The following CAP1 variants were observed in gnomAD, a reference collection of about 807,000 sequenced individuals.
CAP1 encodes cyclase associated actin cytoskeleton regulatory protein 1, also known as adenylyl cyclase-associated protein 1.
In CAP1, 11 loss-of-function variants were observed where a neutral mutation model predicts 58.2. The observed-to-expected ratio is 0.19, with a 90% CI of 0.12 to 0.31. The LOEUF (loss-of-function observed/expected upper bound fraction) is 0.31, where lower values mean the gene tolerates loss of function less well. Among genes scored for constraint, CAP1 ranks in the 10% least tolerant of loss-of-function variants. The pLI, the probability that CAP1 is intolerant of heterozygous loss-of-function variation, is 1.00. For synonymous variants in CAP1, 183 were observed against 213.8 expected (o/e 0.86, Z 1.26); for missense variants, 423 against 587.5 (o/e 0.72, Z 2.89).
chr1:40,046,538 T>C lies in CAP1; in HGVS notation c.-11+5737T>C, dbSNP rs578253143. Among the ~76,000 whole-genome samples the C allele has an allele frequency of 5.9e-5, 9 of 152,302 alleles. No homozygotes were observed. In the East Asian group the frequency reaches 1.7e-3, roughly 29 times the overall value. On this transcript the variant is annotated intron_variant, in intron 1 of 12. Coordinates refer to ENST00000372805, the MANE Select transcript of CAP1 (RefSeq NM_006367.4). ...TAGTTTATGGAGTTATTCACATTTA[T>C]TTTAGTTGATAAAATTATACAGTCA... is the stretch of plus-strand genomic sequence containing the variant.
At chr1:40,061,628 T>A in intron 3 of CAP1, 107 bp from the exon 4 acceptor site, 1 of 860,564 alleles carries the variant, frequency 1.2e-6, no homozygotes, top group Non-Finnish European at 2.0e-6. Flanking sequence ...TAACATGAAG[T>A]GCCTGGGTTG....
chr1:40,047,741 C>G (rs1437206642), intron 1 of CAP1, among the ~76,000 whole-genome samples: 1 of 152,122 alleles, frequency 6.6e-6, no homozygotes, highest in Non-Finnish European at 1.5e-5. Flanking sequence ...AGAAGAGAAC[C>G]CATGACCACA....
intron 1 of CAP1, among the ~76,000 whole-genome samples, chr1:40,059,045 A>G (rs1351220898): frequency 1.7e-5 from 2 of 120,844 alleles, no homozygotes; most frequent in African/African-American, 3.3e-5. Context: ...ACACAGTATC[A>G]TAGTAAATAT....
chr1:40,061,639 C>A, intron 3 of CAP1, 96 bp from the exon 4 acceptor site: 2 of 961,982 alleles, frequency 2.1e-6, no homozygotes, highest in Non-Finnish European at 3.4e-6. Flanking sequence ...GCCTGGGTTG[C>A]TATCAGAGTA....
At chr1:40,052,438 C>G (rs16826814) in intron 1 of CAP1, among the ~76,000 whole-genome samples, 21,567 of 152,062 alleles carry the variant, frequency 0.14, 1,817 homozygotes, top group African/African-American at 0.24. Context: ...TCCGGACATT[C>G]ATTTATGGAG....
chr1:40,044,573 A>C (rs910237797), intron 1 of CAP1, among the ~76,000 whole-genome samples: 2 of 152,170 alleles, frequency 1.3e-5, no homozygotes, highest in African/African-American at 4.8e-5. Context: ...TCATATTTAC[A>C]AAGAATAAAT....
chr1:40,070,749 A>T, intron 11 of CAP1, 87 bp from the exon 12 acceptor site: 1 of 1,208,244 alleles, frequency 8.3e-7, no homozygotes, highest in Non-Finnish European at 1.2e-6. Context: ...GTAGTTGCTG[A>T]GTCACGTGAA....
chr1:40,059,034 C>CGG (rs1233224764), intron 1 of CAP1, among the ~76,000 whole-genome samples: 2 of 120,524 alleles, frequency 1.7e-5, no homozygotes, highest in African/African-American at 6.6e-5. Context: ...TAACTTTCTA[C>CGG]ACACAGTATC....
chr1:40,071,068 T>G, intron 12 of CAP1, 89 bp downstream of exon 12: 3 of 1,270,980 alleles, frequency 2.4e-6, no homozygotes, highest in Non-Finnish European at 3.3e-6. Context: ...ATGAACATTC[T>G]GCACTGAGCA....
chr1:40,043,068 G>A (rs1645913863), intron 1 of CAP1, among the ~76,000 whole-genome samples: 1 of 152,188 alleles, frequency 6.6e-6, no homozygotes, highest in African/African-American at 2.4e-5. Context: ...GTCAGCTAAA[G>A]GAAAGAGCAA....
At chr1:40,066,675 A>G (rs1311327420) in intron 7 of CAP1, among the ~76,000 whole-genome samples, 5 of 152,232 alleles carry the variant, frequency 3.3e-5, no homozygotes, top group Non-Finnish European at 7.3e-5. Context: ...TATAATAAAG[A>G]TACAGACTAG....
intron 4 of CAP1, among the ~76,000 whole-genome samples, chr1:40,063,095 G>A (rs1469754316): frequency 1.3e-5 from 2 of 152,062 alleles, no homozygotes; most frequent in Non-Finnish European, 2.9e-5. Flanking sequence ...CCTCCCAGGT[G>A]TAATGATCCT....
At chr1:40,048,622 A>C (rs945280124) in intron 1 of CAP1, among the ~76,000 whole-genome samples, 2 of 152,186 alleles carry the variant, frequency 1.3e-5, no homozygotes, top group Non-Finnish European at 2.9e-5. Context: ...AAACAGGTAG[A>C]AATTGTCAAA....
At position 40,069,796 on chromosome 1, in the gene CAP1, C is replaced by T. The variant is rs759869293; in HGVS notation, c.915C>T (p.Pro305=). ...SGPKPFSAPK[P]QTSPSPKRAT... ...CCAAACCATTCTCTGCACCTAAACC[C>T]CAAACCAGCCCATCCCCCAAACGAG... Residue 305 remains proline, a synonymous_variant, in exon 9 of 13, where the codon CCC becomes CCT. Coordinates refer to ENST00000372805, the MANE Select transcript of CAP1 (RefSeq NM_006367.4). 125 of 1,606,668 alleles carry T rather than the reference C, an allele frequency of 7.8e-5. No individual in the cohort carries two copies. The highest frequency in any genetic ancestry group is 1.0e-4 in the Non-Finnish European group (118 of 1,176,688).
rs375503528 is a variant in CAP1, at chr1:40,070,161, A to G, written c.996A>G (p.Glu332=). The G allele has an allele frequency of 1.9e-6, 3 of 1,614,006 alleles. No homozygotes were observed. The East Asian group carries it at 6.7e-5, about 36-fold the overall frequency. Residue 332 remains glutamate (E), a splice_region_variant and synonymous_variant, in exon 10 of 13, where the codon GAA becomes GAG. Coordinates refer to ENST00000372805, the MANE Select transcript of CAP1 (RefSeq NM_006367.4). ...LELEGKKWRV[E]NQENVSNLVI... ...ATCCTGGGATCTCTCTCTAACAGGA[A>G]AATCAGGAAAATGTTTCCAACCTGG...
rs772941435 is a variant in CAP1 at position 40,066,171 on chromosome 1, T to C, written c.525-44T>C. 8 of 1,071,492 alleles carry C rather than the reference T, an allele frequency of 7.5e-6. No individual in the cohort carries two copies. The East Asian group carries it at 1.2e-4, about 16-fold the overall frequency. 66.4% of individuals were successfully genotyped at this position (1,071,492 alleles called of 1,614,324 possible). The stretch of plus-strand genomic sequence containing the variant: ...AAGGGTTCTGGAGTCACCACTGTTA[T>C]GTACCCGGATCACCTGTGACAAGTT... On this transcript the variant is annotated intron_variant, in intron 6 of 12. Coordinates refer to ENST00000372805, the MANE Select transcript of CAP1 (RefSeq NM_006367.4).
intron 4 of CAP1, among the ~76,000 whole-genome samples, chr1:40,063,456 C>T (rs1646944771): frequency 1.3e-5 from 2 of 150,548 alleles, no homozygotes; most frequent in Admixed American, 6.6e-5. Context: ...GGATTACAGG[C>T]GTGAGCCACC....
intron 1 of CAP1, among the ~76,000 whole-genome samples, chr1:40,043,417 C>T (rs890515981): frequency 2.7e-5 from 4 of 148,764 alleles, no homozygotes; most frequent in Admixed American, 2.0e-4. Flanking sequence ...AGGCTGGTTT[C>T]GAACTCCTGA....
intron 1 of CAP1, among the ~76,000 whole-genome samples, chr1:40,049,250 G>A (rs945882021): frequency 1.4e-5 from 2 of 143,318 alleles, no homozygotes; most frequent in Non-Finnish European, 3.0e-5. Flanking sequence ...GCAGTGGCGC[G>A]ATCTCGGCTC....
Sources: allele counts gnomAD v4.1 joint callset (sites outside exome capture counted in the v4.1 genomes callset), GRCh38; gene constraint gnomAD v4.1.1; transcripts MANE v1.5; gene names NCBI Gene and HGNC (gene_info 2026-07-23, HGNC 2026-07-21).